EBI3: variants seen among roughly 807,000 people sequenced by gnomAD.
The protein encoded by EBI3 is interleukin-27 subunit beta.
EBI3 carries 19 observed loss-of-function variants against 21.3 expected under a neutral mutation model. The ratio of observed to expected loss-of-function variants is 0.89; its 90% CI spans 0.62 to 1.31. The LOEUF (loss-of-function observed/expected upper bound fraction) is 1.31. Among genes scored for constraint, EBI3 ranks in the 50% most tolerant of loss-of-function variants. EBI3 has a pLI of 0.00. For missense variants in EBI3, 331 were observed against 314.0 expected, an observed-to-expected ratio of 1.05 and a Z score of -0.41; for synonymous variants, 154 against 131.2, an observed-to-expected ratio of 1.17 and a Z score of -1.19.
At chr19:4,231,419 C>A (rs1174198523) in intron 2 of EBI3, 96 bp downstream of exon 2, 5 of 1,414,974 alleles carry the variant, frequency 3.5e-6, no homozygotes, top group South Asian at 1.6e-5. Flanking sequence ...AAACTGGAGA[C>A]CCCGACATCC....
intron 3 of EBI3, among the ~76,000 whole-genome samples, chr19:4,234,383 T>A (rs1218634832): frequency 6.6e-6 from 1 of 152,048 alleles, no homozygotes; most frequent in Non-Finnish European, 1.5e-5. Flanking sequence ...GTCCCCTCTG[T>A]GGCAGCCCCA....
At chr19:4,229,667 A>AC in intron 1 of EBI3, 50 bp downstream of exon 1, 3 of 1,544,888 alleles carry the variant, frequency 1.9e-6, no homozygotes, top group Non-Finnish European at 2.6e-6. Context: ...CGGACATGAC[A>AC]CGAGGACTGG....
At chr19:4,232,926 C>T in intron 2 of EBI3, 1 of 518,880 alleles carries the variant, frequency 1.9e-6, no homozygotes, top group Non-Finnish European at 3.3e-6. Context: ...CCGACCTGAA[C>T]CATCAGGGGC....
rs748283046 is a variant in EBI3, at chr19:4,234,747, TC to T, written c.462del (p.Trp155GlyfsTer9). 6.2e-7 allele frequency: 1 copy of T among 1,613,996 alleles called. No individual in the cohort carries two copies. Among genetic ancestry groups the T allele is most frequent in the Non-Finnish European group, 8.5e-7 (1 of 1,179,980 alleles). ...ACAGGTGCAGTGGGAGCCTCCCGGG[TC>T]CTGGCCCTTCCCAGAGATCTTCTCA... Reference protein sequence around the residue: ...QLQVQWEPPGSWPFPEIFSLK... With the variant: ...QLQVQWEPPGXWPFPEIFSLK... On this transcript the variant is annotated frameshift_variant, in exon 4 of 5. Coordinates refer to ENST00000221847, the MANE Select transcript of EBI3 (RefSeq NM_005755.3). LOFTEE classifies it high-confidence loss of function.
intron 1 of EBI3, among the ~76,000 whole-genome samples, chr19:4,230,749 C>A (rs1370390201): frequency 6.6e-6 from 1 of 151,662 alleles, no homozygotes; most frequent in African/African-American, 2.4e-5. Flanking sequence ...CCAAGCGTGG[C>A]AGTACATGCC....
intron 3 of EBI3, among the ~76,000 whole-genome samples, chr19:4,234,107 G>A (rs1408127419): frequency 6.6e-6 from 1 of 152,208 alleles, no homozygotes; most frequent in Non-Finnish European, 1.5e-5. Context: ...TCAGGGGGCT[G>A]AGGCACGAGA....
In EBI3 at chr19:4,236,995, C is replaced by T; in HGVS notation, c.597C>T (p.Tyr199=). The change falls in exon 5 of 5, where the codon TAC becomes TAT. Residue 199 remains tyrosine (Y), a synonymous_variant. Transcript: ENST00000221847. ...GGGCTGTGCGGCCCCGAGCCAGGTACTACGTCCAAGTGGCGGCTCAGGACC... is the reference window on the plus strand; with the variant it reads ...GGGCTGTGCGGCCCCGAGCCAGGTATTACGTCCAAGTGGCGGCTCAGGACC... ...ILRAVRPRAR[Y]YVQVAAQDLT... is the part of the protein sequence containing the mutation. 2 of 1,584,840 alleles carry T rather than the reference C, an allele frequency of 1.3e-6. No homozygotes were observed. Among genetic ancestry groups the T allele is most frequent in the South Asian group, 1.1e-5 (1 of 88,666 alleles).
At chr19:4,229,642 G>T in intron 1 of EBI3, 25 bp downstream of exon 1, 1 of 1,588,582 alleles carries the variant, frequency 6.3e-7, no homozygotes, top group Non-Finnish European at 8.6e-7. Flanking sequence ...TGGGGGACTG[G>T]GGGGCCCAGG....
rs779999630 is a variant in EBI3, at chr19:4,234,713, G to A, written c.426G>A (p.Glu142=). 3.8e-5 allele frequency: 62 copies of A among 1,614,126 alleles called. 1 individual carries two copies. The South Asian group carries it at 6.4e-4, about 17-fold the overall frequency. ...PEGVRLSPLA[E]RQLQVQWEPP... ...GCGTGCGCCTAAGCCCCCTCGCTGAGCGCCAGCTACAGGTGCAGTGGGAGC... is the reference window on the plus strand; with the variant it reads ...GCGTGCGCCTAAGCCCCCTCGCTGAACGCCAGCTACAGGTGCAGTGGGAGC... Residue 142 remains glutamate (E), a synonymous_variant, in exon 4 of 5, where the codon GAG becomes GAA. Coordinates refer to ENST00000221847, the MANE Select transcript of EBI3 (RefSeq NM_005755.3).
At position 4,236,518 on chromosome 19, in the gene EBI3, C is replaced by CAAAAAAAAAAAAAAAAAAAAA. The variant is rs4009634; in HGVS notation, c.538-413_538-393dup. Among the ~76,000 whole-genome samples the CAAAAAAAAAAAAAAAAAAAAA allele has an allele frequency of 9.2e-4, 28 of 30,506 alleles. 6 individuals are homozygous for CAAAAAAAAAAAAAAAAAAAAA. The highest frequency in any genetic ancestry group is 1.9e-3 in the Admixed American group (3 of 1,554). The allele number at this position is 30,506 out of a possible 152,430, so 20.0% of individuals were successfully genotyped here. ...CCTGGGCAACAGAGTAAGACTGTCT[C>CAAAAAAAAAAAAAAAAAAAAA]AAAAAAAAAAAAAAAAAAAAAAAAA... is the stretch of plus-strand genomic sequence containing the variant. On this transcript the variant is annotated intron_variant, in intron 4 of 4. Coordinates refer to ENST00000221847, the MANE Select transcript of EBI3 (RefSeq NM_005755.3).
At chr19:4,236,911 G>T in intron 4 of EBI3, 25 bp from the exon 5 acceptor site, 1 of 1,480,432 alleles carries the variant, frequency 6.8e-7, no homozygotes, top group Non-Finnish European at 9.0e-7. Context: ...TGGTTCTAGT[G>T]ACCTGACGCT....
At chr19:4,233,837 T>C (rs1201624242) in intron 3 of EBI3, among the ~76,000 whole-genome samples, 3 of 152,222 alleles carry the variant, frequency 2.0e-5, no homozygotes, top group Non-Finnish European at 2.9e-5. Flanking sequence ...CCATGACTTA[T>C]TCCCTCACCT....
rs756951337 is a variant in EBI3, at chr19:4,231,188, C to CTTCCTCTGGTAA, written c.68-3_68-2insTTCCTCTGGTAA. On this transcript the variant is annotated splice_region_variant and splice_polypyrimidine_tract_variant and intron_variant, in intron 1 of 4. Coordinates refer to ENST00000221847, the MANE Select transcript of EBI3 (RefSeq NM_005755.3). ...GAAGCTCACTCTTTCTGTCTTCCTCCAGGGCCCCCAGCAGCTCTGACACTG... is the reference window on the plus strand; with the variant it reads ...GAAGCTCACTCTTTCTGTCTTCCTCCTTCCTCTGGTAAAGGGCCCCCAGCAGCTCTGACACTG... The CTTCCTCTGGTAA allele has an allele frequency of 1.3e-6, 2 of 1,576,230 alleles. No homozygotes were observed. The highest frequency in any genetic ancestry group is 1.7e-6 in the Non-Finnish European group (2 of 1,163,776).
At chr19:4,236,834 G>C in intron 4 of EBI3, 102 bp from the exon 5 acceptor site, 1 of 1,322,552 alleles carries the variant, frequency 7.6e-7, no homozygotes, top group Non-Finnish European at 9.9e-7. Flanking sequence ...ACTGGAGCCT[G>C]CAGGGGGCAG....
chr19:4,236,518 CAAAAAAAAAAA>C (rs4009634), intron 4 of EBI3, among the ~76,000 whole-genome samples: 1 of 30,504 alleles, frequency 3.3e-5, no homozygotes, highest in African/African-American at 1.5e-4. Context: ...AAGACTGTCT[CAAAAAAAAAAA>C]AAAAAAAAAA....
In EBI3 at chr19:4,231,313, G is replaced by T; in HGVS notation, c.190G>T (p.Ala64Ser). The T allele has an allele frequency of 6.2e-7, 1 of 1,610,372 alleles. No homozygotes were observed. Residue 64 changes from alanine (A) to serine (S), a missense_variant, in exon 2 of 5, where the codon GCC (alanine) becomes TCC (serine). Physicochemically the swap from Ala to Ser is moderately conservative, Grantham distance 99 (BLOSUM62 1). Transcript: ENST00000221847. The part of the protein sequence containing the change: ...PNSTSPVSFI[A>S]TYRLGMAARG... ...CTCCACCAGCCCCGTGTCCTTCATT[G>T]CCACGTACAGGTCGGAGAGCCTGGA... is the stretch of plus-strand genomic sequence containing the variant.
chr19:4,234,018 C>G (rs1970814701), intron 3 of EBI3, among the ~76,000 whole-genome samples: 1 of 151,986 alleles, frequency 6.6e-6, no homozygotes, highest in Non-Finnish European at 1.5e-5. Context: ...CAGTCCTGGC[C>G]AACATGGTGA....
chr19:4,233,929 G>A (rs1970814060), intron 3 of EBI3, among the ~76,000 whole-genome samples: 1 of 152,112 alleles, frequency 6.6e-6, no homozygotes, highest in Non-Finnish European at 1.5e-5. Context: ...CTCTGGCTAG[G>A]CTCAGTGGCT....
chr19:4,234,973 C>T, intron 4 of EBI3, 149 bp downstream of exon 4: 1 of 1,193,734 alleles, frequency 8.4e-7, no homozygotes. Context: ...GATTCCTAGG[C>T]CTCTACCGAA....
Sources: allele counts gnomAD v4.1 joint callset (sites outside exome capture counted in the v4.1 genomes callset), GRCh38; gene constraint gnomAD v4.1.1; transcripts MANE v1.5; gene names NCBI Gene and HGNC (gene_info 2026-07-23, HGNC 2026-07-21).